Variants in B4GALT5 observed in about 807,000 individuals in gnomAD.
The protein encoded by B4GALT5 is UDP-Gal:beta-GlcNAc beta-1,4-galactosyltransferase 5.
A neutral mutation model predicts 45.0 loss-of-function variants in B4GALT5; 11 were observed. That is an observed-to-expected ratio of 0.24 (90% CI 0.15 to 0.40). The LOEUF is 0.40. Ranked by LOEUF, B4GALT5 falls within the 10% of genes least tolerant of loss-of-function variation. The probability of loss-of-function intolerance (pLI) is 1.00; values close to 1 mark genes in which losing one functional copy is unlikely to be tolerated. For missense variants in B4GALT5, 337 were observed against 500.2 expected (o/e 0.67, Z 3.11); for synonymous variants, 185 against 182.9 (o/e 1.01, Z -0.09).
chr20:49,646,495 T>C (rs922928839), intron 3 of B4GALT5, among the ~76,000 whole-genome samples: 1 of 152,176 alleles, frequency 6.6e-6, no homozygotes, highest in Non-Finnish European at 1.5e-5. Context: ...CTACAATTAC[T>C]GTATAGTACC....
At chr20:49,661,293 T>C (rs1440409641) in intron 1 of B4GALT5, among the ~76,000 whole-genome samples, 1 of 152,162 alleles carries the variant, frequency 6.6e-6, no homozygotes, top group Non-Finnish European at 1.5e-5. Context: ...TGGAGTGTAG[T>C]GGCGCGTCTC....
At chr20:49,643,268 G>A (rs1430092771) in intron 4 of B4GALT5, among the ~76,000 whole-genome samples, 4 of 152,230 alleles carry the variant, frequency 2.6e-5, no homozygotes, top group South Asian at 4.2e-4. Context: ...GACCACCAAC[G>A]CCCTCATCCC....
At chr20:49,653,139 AT>A (rs1188417192) in intron 2 of B4GALT5, among the ~76,000 whole-genome samples, 1 of 152,180 alleles carries the variant, frequency 6.6e-6, no homozygotes, top group African/African-American at 2.4e-5. Context: ...ATTTTTTAGG[AT>A]TTTGGAATAT....
In B4GALT5 at chr20:49,637,365, C is replaced by A; in HGVS notation, c.995G>T (p.Arg332Leu). ...GKYKSIPHHH[R>L]GEVQFLGRYA... is the part of the protein sequence containing the mutation. ...CCTTCCAAGAAACTGGACTTCTCCT[C>A]GATGGTGATGAGGAATGGACTTGTA... Residue 332 changes from arginine to leucine, a missense_variant, in exon 8 of 9, where the codon CGA (arginine) becomes CTA (leucine). Physicochemically the swap from Arg to Leu is moderately radical, Grantham distance 102. Transcript: ENST00000371711. 6.2e-7 allele frequency: 1 copy of A among 1,614,074 alleles called. No individual in the cohort carries two copies. The highest frequency in any genetic ancestry group is 8.5e-7 in the Non-Finnish European group (1 of 1,179,998).
chr20:49,679,005 T>G (rs2085752903), intron 1 of B4GALT5, among the ~76,000 whole-genome samples: 1 of 152,052 alleles, frequency 6.6e-6, no homozygotes, highest in Admixed American at 6.5e-5. Context: ...TAAAAGGGGC[T>G]GGGGGTGGGG....
chr20:49,705,693 C>G (rs778277245), intron 1 of B4GALT5, among the ~76,000 whole-genome samples: 1 of 152,136 alleles, frequency 6.6e-6, no homozygotes, highest in Non-Finnish European at 1.5e-5. Flanking sequence ...GTTCAATTCA[C>G]ACATGCTCAG....
At chr20:49,706,336 G>A (rs1208032929) in intron 1 of B4GALT5, among the ~76,000 whole-genome samples, 1 of 151,994 alleles carries the variant, frequency 6.6e-6, no homozygotes, top group Non-Finnish European at 1.5e-5. Flanking sequence ...AAATGAATCT[G>A]CCCACTCCAA....
chr20:49,702,658 C>G (rs763136421), intron 1 of B4GALT5, among the ~76,000 whole-genome samples: 1 of 151,652 alleles, frequency 6.6e-6, no homozygotes, highest in Admixed American at 6.6e-5. Context: ...AGTTTGAGAC[C>G]GGCCTGGGCA....
intron 1 of B4GALT5, among the ~76,000 whole-genome samples, chr20:49,709,566 G>A (rs184362046): frequency 2.0e-5 from 3 of 152,270 alleles, no homozygotes; most frequent in Non-Finnish European, 4.4e-5. Context: ...GAGGTCGGGA[G>A]TTCGAGACGA....
chr20:49,639,477 C>A (rs1259337540), intron 7 of B4GALT5, among the ~76,000 whole-genome samples: 1 of 152,086 alleles, frequency 6.6e-6, no homozygotes, highest in African/African-American at 2.4e-5. Flanking sequence ...GATCCTCCCA[C>A]CTCGGCCTTC....
intron 1 of B4GALT5, among the ~76,000 whole-genome samples, chr20:49,674,267 T>C (rs1158858546): frequency 1.3e-5 from 2 of 150,698 alleles, no homozygotes; most frequent in Non-Finnish European, 1.5e-5. Context: ...AAAGTTTGGT[T>C]TGGGATGTAT....
intron 2 of B4GALT5, among the ~76,000 whole-genome samples, chr20:49,653,525 C>T (rs1311277109): frequency 6.6e-6 from 1 of 152,226 alleles, no homozygotes; most frequent in African/African-American, 2.4e-5. Flanking sequence ...GCCATTACTG[C>T]GATTCAGGGC....
intron 1 of B4GALT5, among the ~76,000 whole-genome samples, chr20:49,696,761 T>A (rs898737137): frequency 2.0e-5 from 3 of 152,232 alleles, no homozygotes; most frequent in Non-Finnish European, 4.4e-5. Context: ...ATCAACCAAG[T>A]TGATTTAATG....
chr20:49,639,478 C>T (rs531197891), intron 7 of B4GALT5, among the ~76,000 whole-genome samples, 200 bp downstream of exon 7: 111 of 152,126 alleles, frequency 7.3e-4, no homozygotes, highest in African/African-American at 2.6e-3. Flanking sequence ...ATCCTCCCAC[C>T]TCGGCCTTCC....
At position 49,646,622 on chromosome 20, in the gene B4GALT5, A is replaced by G. The variant is rs2085600144; in HGVS notation, c.364+343T>C. Among the ~76,000 whole-genome samples, 3 of 152,262 alleles carry G rather than the reference A, an allele frequency of 2.0e-5. No individual in the cohort carries two copies. In the South Asian group the frequency reaches 6.2e-4, roughly 32 times the overall value. On this transcript the variant is annotated intron_variant, in intron 3 of 8. Coordinates refer to ENST00000371711, the MANE Select transcript of B4GALT5 (RefSeq NM_004776.4). ...ACTCTAGGAGGTTCTCCCAACAATA[A>G]AATCACCTAATGATGTACTTCTCAG...
intron 2 of B4GALT5, among the ~76,000 whole-genome samples, chr20:49,650,893 C>A (rs115735958): frequency 0.012 from 1,852 of 152,150 alleles, 31 homozygotes; most frequent in African/African-American, 0.042. Flanking sequence ...GAAAAACAAG[C>A]CTGTTGAATT....
Position 49,636,907 on chromosome 20 carries a change from G to GACACACACACACACACACACAC in B4GALT5, c.1019+412_1019+433dup, listed in dbSNP as rs5841760. Reference sequence around the variant, plus strand: ...ACAGTCTTCCCCACAATTTAGAAAAGACACACACACACACACACACACACA... The same window carrying GACACACACACACACACACACAC: ...ACAGTCTTCCCCACAATTTAGAAAAGACACACACACACACACACACACACACACACACACACACACACACACA... On this transcript the variant is annotated intron_variant, in intron 8 of 8. Transcript: ENST00000371711. Among the ~76,000 whole-genome samples, 325 of 146,466 alleles carry GACACACACACACACACACACAC rather than the reference G, an allele frequency of 2.2e-3. 2 individuals are homozygous for GACACACACACACACACACACAC. The highest frequency in any genetic ancestry group is 7.7e-3 in the African/African-American group (302 of 39,462).
At chr20:49,666,453 G>A (rs1290546669) in intron 1 of B4GALT5, among the ~76,000 whole-genome samples, 2 of 152,116 alleles carry the variant, frequency 1.3e-5, no homozygotes, top group Non-Finnish European at 2.9e-5. Flanking sequence ...TAAAATGTGG[G>A]ATTTATAACA....
chr20:49,643,921 GCTT>G (rs1365365721), intron 3 of B4GALT5, among the ~76,000 whole-genome samples: 4 of 115,750 alleles, frequency 3.5e-5, no homozygotes, highest in Non-Finnish European at 5.2e-5. Flanking sequence ...CAGTAGCTGA[GCTT>G]TTTTTTTTTT....
Sources: gnomAD v4.1 joint callset for allele counts (sites outside exome capture counted in the v4.1 genomes callset) on GRCh38, gnomAD v4.1.1 for gene constraint, MANE v1.5 for transcripts, NCBI Gene and HGNC (gene_info 2026-07-23, HGNC 2026-07-21) for gene names.